The following MRPL14 variants were observed in gnomAD, a reference collection of about 807,000 sequenced individuals.
MRPL14 encodes large ribosomal subunit protein uL14m.
Under a neutral mutation model 10.9 loss-of-function variants are expected in MRPL14, and 8 were observed. The ratio of observed to expected loss-of-function variants is 0.74; its 90% CI spans 0.43 to 1.33. The LOEUF (loss-of-function observed/expected upper bound fraction) is 1.33, where lower values mean the gene tolerates loss of function less well. Ranked by LOEUF, MRPL14 falls within the 40% of genes most tolerant of loss-of-function variation. The pLI, the probability that MRPL14 is intolerant of heterozygous loss-of-function variation, is 0.01. For synonymous variants in MRPL14, 82 were observed against 74.1 expected (o/e 1.11, Z -0.54); for missense variants, 179 against 194.5 (o/e 0.92, Z 0.47).
At chr6:44,120,195 TTG>T (rs1776262178) in intron 1 of MRPL14, among the ~76,000 whole-genome samples, 3 of 152,196 alleles carry the variant, frequency 2.0e-5, no homozygotes. Flanking sequence ...GCAGCATCAA[TTG>T]CTACCCCTCC....
Position 44,113,846 on chromosome 6 carries a change from C to T in MRPL14, c.435G>A (p.Val145=). 1 of 1,552,306 alleles carries T rather than the reference C, an allele frequency of 6.4e-7. No individual in the cohort carries two copies. The highest frequency in any genetic ancestry group is 2.3e-5 in the East Asian group (1 of 44,090). ...SKVLAIAQNF[V] is the part of the protein sequence containing the mutation. ...CAACCAGAGGCCTGGGCTCAACTCA[C>T]ACAAAGTTCTGAGCAATGGCCAGCA... The change falls in exon 3 of 3, where the codon GTG becomes GTA. Residue 145 remains valine, a synonymous_variant. Coordinates refer to ENST00000372014, the MANE Select transcript of MRPL14 (RefSeq NM_032111.4).
At chr6:44,118,573 G>A (rs1776090924) in intron 1 of MRPL14, among the ~76,000 whole-genome samples, 1 of 152,198 alleles carries the variant, frequency 6.6e-6, no homozygotes, top group Non-Finnish European at 1.5e-5. Context: ...GCAGCTTTAA[G>A]GGTCATTTGG....
At chr6:44,123,011 C>T (rs761759169) in intron 1 of MRPL14, among the ~76,000 whole-genome samples, 13 of 152,156 alleles carry the variant, frequency 8.5e-5, no homozygotes, top group African/African-American at 1.2e-4. Flanking sequence ...TTGGTGTGTG[C>T]GTGGTTTTGT....
intron 1 of MRPL14, among the ~76,000 whole-genome samples, chr6:44,123,331 T>C (rs1024030018): frequency 9.9e-5 from 15 of 152,254 alleles, no homozygotes; most frequent in Admixed American, 2.6e-4. Flanking sequence ...ACAGTGAAGA[T>C]GCTGCTTTAG....
intron 2 of MRPL14, among the ~76,000 whole-genome samples, chr6:44,115,540 CCTT>C (rs1440660844): frequency 2.6e-5 from 4 of 152,028 alleles, no homozygotes; most frequent in African/African-American, 9.7e-5. Flanking sequence ...CCAACAACTT[CCTT>C]CATTTAGCAG....
intron 1 of MRPL14, among the ~76,000 whole-genome samples, chr6:44,124,240 C>A (rs1445252216): frequency 9.2e-5 from 14 of 152,102 alleles, no homozygotes; most frequent in Admixed American, 9.2e-4. Flanking sequence ...TGATGGAAAG[C>A]ATATATCTCT....
intron 2 of MRPL14, 105 bp downstream of exon 2, chr6:44,116,436 C>T: frequency 1.7e-6 from 2 of 1,166,844 alleles, no homozygotes; most frequent in Non-Finnish European, 2.5e-6. Context: ...CAACCCCATG[C>T]CCACCTCCCT....
intron 1 of MRPL14, among the ~76,000 whole-genome samples, chr6:44,126,205 C>T (rs1217586954): frequency 3.9e-5 from 6 of 152,206 alleles, no homozygotes; most frequent in Admixed American, 2.6e-4. Context: ...CCTACAGAAA[C>T]ACACTGTAGA....
intron 1 of MRPL14, among the ~76,000 whole-genome samples, chr6:44,126,474 G>A (rs190820442): frequency 1.3e-5 from 2 of 152,278 alleles, no homozygotes; most frequent in East Asian, 1.9e-4. Flanking sequence ...AAACCCCCCA[G>A]GTGGGCAGTG....
Position 44,113,969 on chromosome 6 carries a change from G to C in MRPL14, c.312C>G (p.Asn104Lys). Residue 104 changes from asparagine to lysine, a missense_variant, in exon 3 of 3, where the codon AAC becomes AAG. Coordinates refer to ENST00000372014, the MANE Select transcript of MRPL14 (RefSeq NM_032111.4). ...TCCCGTTGTCCTCAATGAGGACCAC[G>C]TTGTTGGAGTCGAATCTGGGGGTCA... ...PRMTPRFDSN[N>K]VVLIEDNGNP... 2 of 1,614,104 alleles carry C rather than the reference G, an allele frequency of 1.2e-6. No individual in the cohort carries two copies. The highest frequency in any genetic ancestry group is 1.7e-6 in the Non-Finnish European group (2 of 1,179,968).
intron 1 of MRPL14, among the ~76,000 whole-genome samples, chr6:44,125,770 C>T (rs989597234): frequency 6.6e-6 from 1 of 151,448 alleles, no homozygotes; most frequent in African/African-American, 2.4e-5. Flanking sequence ...TACTATTTGA[C>T]CTCAAAGTGA....
In MRPL14 at chr6:44,116,632, G is replaced by A. The variant is rs574636628; in HGVS notation, c.-18-3C>T. On this transcript the variant is annotated splice_region_variant and splice_polypyrimidine_tract_variant and intron_variant, in intron 1 of 2. Coordinates refer to ENST00000372014, the MANE Select transcript of MRPL14 (RefSeq NM_032111.4). ...GCCATGGGATCCCAAGATAGATCCT[G>A]CAGGAAAAACGAGAGGGGGAAAAAT... 4 of 1,611,748 alleles carry A rather than the reference G, an allele frequency of 2.5e-6. No individual in the cohort carries two copies. In the African/African-American group the frequency reaches 4.0e-5, roughly 16 times the overall value.
chr6:44,126,226 G>T (rs1049184751), intron 1 of MRPL14, among the ~76,000 whole-genome samples: 23 of 152,176 alleles, frequency 1.5e-4, no homozygotes, highest in African/African-American at 5.3e-4. Flanking sequence ...ACACCTCCTA[G>T]TACACTCACA....
At chr6:44,120,801 G>A (rs1023378990) in intron 1 of MRPL14, among the ~76,000 whole-genome samples, 6 of 152,186 alleles carry the variant, frequency 3.9e-5, no homozygotes, top group East Asian at 1.9e-4. Flanking sequence ...TGGCTCTGAC[G>A]GAGGTAAATC....
chr6:44,122,260 T>C (rs1776516561), intron 1 of MRPL14, among the ~76,000 whole-genome samples: 1 of 152,092 alleles, frequency 6.6e-6, no homozygotes, highest in Non-Finnish European at 1.5e-5. Flanking sequence ...TTTTTTGTAT[T>C]TTCAGTAGAG....
At chr6:44,114,475 T>C (rs947582664) in intron 2 of MRPL14, among the ~76,000 whole-genome samples, 2 of 152,176 alleles carry the variant, frequency 1.3e-5, no homozygotes, top group African/African-American at 2.4e-5. Context: ...TCTGTGACAA[T>C]GAACTTCACA....
intron 1 of MRPL14, among the ~76,000 whole-genome samples, chr6:44,122,154 C>T (rs910329949): frequency 4.6e-5 from 7 of 151,826 alleles, no homozygotes; most frequent in Non-Finnish European, 1.0e-4. Context: ...GCCATCTCAG[C>T]TCACTGCAAG....
chr6:44,118,843 A>T lies in MRPL14; in HGVS notation c.-18-2214T>A, dbSNP rs187181100. On this transcript the variant is annotated intron_variant, in intron 1 of 2. Coordinates refer to ENST00000372014, the MANE Select transcript of MRPL14 (RefSeq NM_032111.4). ...GCCAGGCGTGGTGGCACATGTCTGT[A>T]ATCCCAGCTACTCAGGAAGCTGAGG... Among the ~76,000 whole-genome samples, 9 of 152,294 alleles carry T rather than the reference A, an allele frequency of 5.9e-5. No homozygotes were observed. In the East Asian group the frequency reaches 1.7e-3, roughly 29 times the overall value.
At chr6:44,123,157 G>T (rs188061143) in intron 1 of MRPL14, among the ~76,000 whole-genome samples, 1 of 152,328 alleles carries the variant, frequency 6.6e-6, no homozygotes, top group East Asian at 1.9e-4. Flanking sequence ...CTGCAAGGGG[G>T]CTGAATCTGC....
Sources: allele counts gnomAD v4.1 joint callset (sites outside exome capture counted in the v4.1 genomes callset), GRCh38; gene constraint gnomAD v4.1.1; transcripts MANE v1.5; gene names NCBI Gene and HGNC (gene_info 2026-07-23, HGNC 2026-07-21).